Variants in GATAD2A observed in about 807,000 individuals in gnomAD.
The protein encoded by GATAD2A is transcriptional repressor p66-alpha.
In GATAD2A, 12 loss-of-function variants were observed where a neutral mutation model predicts 68.5. That is an observed-to-expected ratio of 0.18 (90% CI 0.11 to 0.28). GATAD2A has a LOEUF of 0.28. Ranked by LOEUF, GATAD2A falls within the 10% of genes least tolerant of loss-of-function variation. GATAD2A has a pLI of 1.00. For synonymous variants in GATAD2A, 410 were observed against 375.3 expected, an observed-to-expected ratio of 1.09 and a Z score of -1.07; for missense variants, 755 against 868.5, an observed-to-expected ratio of 0.87 and a Z score of 1.64.
At chr19:19,477,593 G>A (rs1343161723) in intron 2 of GATAD2A, among the ~76,000 whole-genome samples, 2 of 152,146 alleles carry the variant, frequency 1.3e-5, no homozygotes, top group Admixed American at 6.5e-5. Flanking sequence ...GTACACGGTG[G>A]TAGGAGCAGA....
intron 2 of GATAD2A, chr19:19,472,440 T>C (rs1042556652): frequency 2.0e-5 from 3 of 151,338 alleles, no homozygotes; most frequent in African/African-American, 7.3e-5. Context: ...TTCAAGTGTT[T>C]CTCCTGCCTC....
chr19:19,503,591 TAGA>T (rs961841228), intron 11 of GATAD2A, among the ~76,000 whole-genome samples: 1 of 151,608 alleles, frequency 6.6e-6, no homozygotes, highest in African/African-American at 2.4e-5. Flanking sequence ...AAGAAAGAAG[TAGA>T]AGTCGATAAG....
At chr19:19,462,641 A>G (rs751038593) in intron 1 of GATAD2A, among the ~76,000 whole-genome samples, 2 of 152,192 alleles carry the variant, frequency 1.3e-5, no homozygotes, top group Non-Finnish European at 2.9e-5. Flanking sequence ...CTACCACAAC[A>G]GGGGGCCCAA....
intron 1 of GATAD2A, among the ~76,000 whole-genome samples, chr19:19,460,051 A>G (rs1266790651): frequency 6.6e-6 from 1 of 152,226 alleles, no homozygotes; most frequent in East Asian, 1.9e-4. Flanking sequence ...TGCATGGGAA[A>G]GAAGTATGCT....
chr19:19,502,123 C>T (rs2060570795), intron 10 of GATAD2A, 80 bp downstream of exon 10: 1 of 1,065,464 alleles, frequency 9.4e-7, no homozygotes. Context: ...TGTCACGCTG[C>T]CTCTTCTGTC....
At chr19:19,440,435 T>C in intron 1 of GATAD2A, 1 of 221,174 alleles carries the variant, frequency 4.5e-6, no homozygotes, top group South Asian at 4.7e-5. Context: ...CACGCCCTGC[T>C]AATTTTTTAT....
Position 19,450,899 on chromosome 19 carries a change from T to C in GATAD2A, c.-6-14441T>C, listed in dbSNP as rs190761732. 5.3e-3 allele frequency among the ~76,000 whole-genome samples: 799 copies of C among 150,964 alleles called. 6 individuals are homozygous for C. The highest frequency in any genetic ancestry group is 0.042 in the South Asian group (198 of 4,748). On this transcript the variant is annotated intron_variant, in intron 1 of 11. Transcript: ENST00000683918. ...AATTCCCCTGCCTCAGCCTCCCGAG[T>C]AGCTGGGATTACAGGCGCCCGCCAC...
rs11434961 is a variant in GATAD2A at position 19,506,614 on chromosome 19, C to CT, written c.*1153dup. ...GTTGCTGTCAGGATTTGCTTTCAGA[C>CT]TTTTTTTTTTTTTGTAATTCCCTTT... On this transcript the variant is annotated 3_prime_UTR_variant, in exon 12 of 12. Transcript: ENST00000683918. 0.052 allele frequency: 7,517 copies of CT among 145,120 alleles called. 246 individuals are homozygous for CT. Among genetic ancestry groups the CT allele is most frequent in the East Asian group, 0.13 (666 of 5,004 alleles). The allele number at this position is 145,120 out of a possible 1,614,324, so 9.0% of individuals were successfully genotyped here.
Position 19,506,886 on chromosome 19 carries a change from C to A in GATAD2A, c.*1412C>A, listed in dbSNP as rs1331329136. On this transcript the variant is annotated 3_prime_UTR_variant, in exon 12 of 12. Coordinates refer to ENST00000683918, the MANE Select transcript of GATAD2A (RefSeq NM_001384528.1). ...TCCAGCCCTGGTTTTCCTACCCATG[C>A]AGTTAGGGACTTTAATTTAATTTTT... 1 of 152,108 alleles carries A rather than the reference C, an allele frequency of 6.6e-6. No individual in the cohort carries two copies. The highest frequency in any genetic ancestry group is 1.5e-5 in the Non-Finnish European group (1 of 68,022). The allele number at this position is 152,108 out of a possible 1,614,324, so 9.4% of individuals were successfully genotyped here. A position where few individuals can be genotyped will look rare whatever the true frequency, so the allele number is the denominator to read the frequency against.
chr19:19,418,530 C>T (rs901042999), intron 1 of GATAD2A, among the ~76,000 whole-genome samples: 1 of 152,142 alleles, frequency 6.6e-6, no homozygotes, highest in Non-Finnish European at 1.5e-5. Flanking sequence ...TTGGAGGTAT[C>T]GGGAAGAGGC....
At chr19:19,440,593 A>C (rs1472663246) in intron 1 of GATAD2A, 1 of 156,862 alleles carries the variant, frequency 6.4e-6, no homozygotes, top group Non-Finnish European at 1.4e-5. Context: ...AAGGAACCAC[A>C]TTGTCACCTC....
At chr19:19,407,209 T>G (rs1464473344) in intron 1 of GATAD2A, among the ~76,000 whole-genome samples, 3 of 152,222 alleles carry the variant, frequency 2.0e-5, no homozygotes, top group Admixed American at 6.5e-5. Flanking sequence ...ACTTAACTCT[T>G]CTGGTAGTCG....
At chr19:19,402,731 A>T (rs2049869508), upstream of GATAD2A, 1 of 150,128 alleles carries the variant, frequency 6.7e-6, no homozygotes. Flanking sequence ...ATTAATTAAC[A>T]ACGGCTATCA....
chr19:19,412,091 T>G (rs2051010255), intron 1 of GATAD2A, among the ~76,000 whole-genome samples: 1 of 151,768 alleles, frequency 6.6e-6, no homozygotes, highest in Admixed American at 6.6e-5. Context: ...TCTCTCTCTT[T>G]TTTTTTTGGT....
chr19:19,409,014 C>CTTTTTTTTTT (rs5827448), intron 1 of GATAD2A, among the ~76,000 whole-genome samples: 1 of 116,512 alleles, frequency 8.6e-6, no homozygotes, highest in Non-Finnish European at 1.8e-5. Flanking sequence ...GAAATGTTGG[C>CTTTTTTTTTT]TTTTTTTTTT....
intron 8 of GATAD2A, among the ~76,000 whole-genome samples, chr19:19,500,508 T>C (rs2060458623): frequency 6.6e-6 from 1 of 152,070 alleles, no homozygotes; most frequent in South Asian, 2.1e-4. Flanking sequence ...ACATGCTTCA[T>C]GTACACTTCC....
chr19:19,500,808 T>C lies in GATAD2A; in HGVS notation c.1205-310T>C, dbSNP rs149593801. Among the ~76,000 whole-genome samples, 321 of 152,328 alleles carry C rather than the reference T, an allele frequency of 2.1e-3. 2 individuals are homozygous for C. Among genetic ancestry groups the C allele is most frequent in the South Asian group, 0.016 (78 of 4,832 alleles). On this transcript the variant is annotated intron_variant, in intron 8 of 11. Coordinates refer to ENST00000683918, the MANE Select transcript of GATAD2A (RefSeq NM_001384528.1). ...CAGCACCCACAAAGCACTTGCTGGG[T>C]GACTTGCCTGTCACCCTTATTAACT...
intron 1 of GATAD2A, among the ~76,000 whole-genome samples, chr19:19,444,166 C>T (rs2055422375): frequency 6.6e-6 from 1 of 152,184 alleles, no homozygotes; most frequent in Non-Finnish European, 1.5e-5. Flanking sequence ...TGGGGCACAT[C>T]TGACTACCAC....
At chr19:19,436,071 A>T (rs979275167) in intron 1 of GATAD2A, 22 of 845,380 alleles carry the variant, frequency 2.6e-5, no homozygotes, top group Non-Finnish European at 3.8e-5. Flanking sequence ...TAGAAATGCC[A>T]GTATGTTCCA....
Sources: gnomAD v4.1 joint callset for allele counts (sites outside exome capture counted in the v4.1 genomes callset) on GRCh38, gnomAD v4.1.1 for gene constraint, MANE v1.5 for transcripts, NCBI Gene and HGNC (gene_info 2026-07-23, HGNC 2026-07-21) for gene names.